KCTD7: variants seen among roughly 807,000 people sequenced by gnomAD.
KCTD7 encodes potassium channel tetramerization domain containing 7.
Under a neutral mutation model 27.0 loss-of-function variants are expected in KCTD7, and 15 were observed. That is an observed-to-expected ratio of 0.56 (90% CI 0.37 to 0.86). The LOEUF is 0.86. Among genes scored for constraint, KCTD7 ranks in the 40% least tolerant of loss-of-function variants. KCTD7 has a pLI of 0.00. For synonymous variants in KCTD7, 159 were observed against 162.7 expected, an observed-to-expected ratio of 0.98 and a Z score of 0.17; for missense variants, 299 against 398.9, an observed-to-expected ratio of 0.75 and a Z score of 2.13.
At chr7:66,631,786 A>C (rs963869347) in intron 1 of KCTD7, among the ~76,000 whole-genome samples, 3 of 151,868 alleles carry the variant, frequency 2.0e-5, no homozygotes, top group African/African-American at 7.3e-5. Flanking sequence ...CATGTTCCTC[A>C]CTCAGCCCTT....
Position 66,639,603 on chromosome 7 carries a change from A to G in KCTD7, c.*371A>G. 1.5e-6 allele frequency: 2 copies of G among 1,348,882 alleles called. No homozygotes were observed. The highest frequency in any genetic ancestry group is 1.9e-6 in the Non-Finnish European group (2 of 1,046,208). 83.6% of individuals were successfully genotyped at this position (1,348,882 alleles called of 1,614,324 possible). ...TAGAGCCACGTTACCAAATCGATGT[A>G]GGCCTAATCACTTCCTCAACCCTGT... is the stretch of plus-strand genomic sequence containing the variant. On this transcript the variant is annotated 3_prime_UTR_variant, in exon 4 of 4. Coordinates refer to ENST00000639828, the MANE Select transcript of KCTD7 (RefSeq NM_153033.5).
chr7:66,629,851 G>C (rs946921725), intron 1 of KCTD7, among the ~76,000 whole-genome samples: 6 of 152,200 alleles, frequency 3.9e-5, no homozygotes, highest in Non-Finnish European at 7.3e-5. Context: ...CATAGATGTA[G>C]GCACGGTCAC....
intron 2 of KCTD7, among the ~76,000 whole-genome samples, chr7:66,637,206 C>T (rs1786608054): frequency 6.6e-6 from 1 of 152,210 alleles, no homozygotes; most frequent in Non-Finnish European, 1.5e-5. Context: ...CTGCCTCAGC[C>T]TCCAGAGTAG....
At chr7:66,632,781 T>C (rs2116762614) in intron 1 of KCTD7, among the ~76,000 whole-genome samples, 1 of 151,766 alleles carries the variant, frequency 6.6e-6, no homozygotes, top group East Asian at 1.9e-4. Context: ...CAGTGGCTCA[T>C]GCCTGTAATC....
At chr7:66,633,067 G>A (rs901956729) in intron 1 of KCTD7, among the ~76,000 whole-genome samples, 3 of 151,652 alleles carry the variant, frequency 2.0e-5, no homozygotes, top group East Asian at 1.9e-4. Flanking sequence ...AAAAAAAAAA[G>A]AGCTATGAGG....
chr7:66,633,722 C>T (rs1203750921), intron 2 of KCTD7, among the ~76,000 whole-genome samples: 1 of 151,820 alleles, frequency 6.6e-6, no homozygotes, highest in Non-Finnish European at 1.5e-5. Context: ...GCGCGGTGCT[C>T]ATGCCTGTAA....
In KCTD7 at chr7:66,628,961, C is replaced by T; in HGVS notation, c.-104C>T. 1.6e-6 allele frequency: 2 copies of T among 1,232,904 alleles called. No homozygotes were observed. The highest frequency in any genetic ancestry group is 3.3e-5 in the East Asian group (1 of 30,278). The allele number at this position is 1,232,904 out of a possible 1,614,324, so 76.4% of individuals were successfully genotyped here. A position where few individuals can be genotyped will look rare whatever the true frequency, so the allele number is the denominator to read the frequency against. ...TGCCTCTCGCCCCCCTCCGGCCAGC[C>T]CGCAGCCGGCCGCGTCATGCCAGGC... On this transcript the variant is annotated 5_prime_UTR_variant, in exon 1 of 4. Transcript: ENST00000639828.
chr7:66,636,665 C>T (rs771288207), intron 2 of KCTD7, among the ~76,000 whole-genome samples: 1 of 151,964 alleles, frequency 6.6e-6, no homozygotes, highest in African/African-American at 2.4e-5. Context: ...CCCAGTTATT[C>T]GGGAGGCTGA....
chr7:66,643,029 T>A lies in KCTD7; in HGVS notation c.*3797T>A, dbSNP rs945723896. 1.3e-5 allele frequency: 13 copies of A among 985,324 alleles called. No individual in the cohort carries two copies. The highest frequency in any genetic ancestry group is 1.6e-5 in the Non-Finnish European group (13 of 829,938). 61.0% of individuals were successfully genotyped at this position (985,324 alleles called of 1,614,324 possible). ...TGAGCCTCAGTACACTCCAAGGGCA[T>A]TAAAGTCAAGAACTAGAACCTGGGT... On this transcript the variant is annotated 3_prime_UTR_variant, in exon 4 of 4. Coordinates refer to ENST00000639828, the MANE Select transcript of KCTD7 (RefSeq NM_153033.5).
chr7:66,638,505 C>T, intron 3 of KCTD7, 74 bp downstream of exon 3: 1 of 1,456,624 alleles, frequency 6.9e-7, no homozygotes, highest in Non-Finnish European at 9.6e-7. Flanking sequence ...TTTAGGTCTC[C>T]ATCAGAACAC....
chr7:66,633,559 G>T (rs2116764330), intron 2 of KCTD7, 115 bp downstream of exon 2: 2 of 980,966 alleles, frequency 2.0e-6, no homozygotes, highest in Non-Finnish European at 3.1e-6. Flanking sequence ...GCATATTGAT[G>T]AAATTTAATA....
rs765235486 is a variant in KCTD7, at chr7:66,638,396, G to C, written c.458G>C (p.Arg153Pro). 6.2e-7 allele frequency: 1 copy of C among 1,614,238 alleles called. No homozygotes were observed. ...CAGCCACTGAAGGGCGAGAAGGTGC[G>C]CCAAGCGTTTCTGGGACTCATGCCC... is the stretch of plus-strand genomic sequence containing the variant. ...NMQPLKGEKV[R>P]QAFLGLMPYY... Residue 153 changes from arginine to proline, a missense_variant, in exon 3 of 4, where the codon CGC becomes CCC. Coordinates refer to ENST00000639828, the MANE Select transcript of KCTD7 (RefSeq NM_153033.5).
chr7:66,638,502 C>T (rs906179618), intron 3 of KCTD7, 71 bp downstream of exon 3: 2 of 1,500,016 alleles, frequency 1.3e-6, no homozygotes, highest in Non-Finnish European at 1.8e-6. Flanking sequence ...GTGTTTAGGT[C>T]TCCATCAGAA....
intron 1 of KCTD7, among the ~76,000 whole-genome samples, 169 bp downstream of exon 1, chr7:66,629,377 T>TACCCACCCGCACCCCC: frequency 2.9e-5 from 1 of 35,072 alleles, no homozygotes; most frequent in Admixed American, 3.3e-4. Context: ...CCTGCACCCC[T>TACCCACCCGCACCCCC]ACCCACCCAC....
Position 66,641,726 on chromosome 7 carries a change from T to C in KCTD7, c.*2494T>C. 7 of 985,414 alleles carry C rather than the reference T, an allele frequency of 7.1e-6. No individual in the cohort carries two copies. The highest frequency in any genetic ancestry group is 8.4e-6 in the Non-Finnish European group (7 of 829,924). The allele number at this position is 985,414 out of a possible 1,614,324, so 61.0% of individuals were successfully genotyped here. Reference sequence around the variant, plus strand: ...TTCTAAATGGAGTGAAGGAATTCAGTGGCCTAGTTTCGCCATTCTCTAATG... The same window carrying C: ...TTCTAAATGGAGTGAAGGAATTCAGCGGCCTAGTTTCGCCATTCTCTAATG... On this transcript the variant is annotated 3_prime_UTR_variant, in exon 4 of 4. Transcript: ENST00000639828.
chr7:66,642,671 C>T lies in KCTD7; in HGVS notation c.*3439C>T. On this transcript the variant is annotated 3_prime_UTR_variant, in exon 4 of 4. Coordinates refer to ENST00000639828, the MANE Select transcript of KCTD7 (RefSeq NM_153033.5). ...TCTTGGGTACTATTTTGCTGGGGCT[C>T]TTGCGTGAAGGTGGTACCTGTCTCA... The T allele has an allele frequency of 1.0e-6, 1 of 985,370 alleles. No individual in the cohort carries two copies. Among genetic ancestry groups the T allele is most frequent in the Non-Finnish European group, 1.2e-6 (1 of 829,934 alleles). 61.0% of individuals were successfully genotyped at this position (985,370 alleles called of 1,614,324 possible). A position where few individuals can be genotyped will look rare whatever the true frequency, so the allele number is the denominator to read the frequency against.
chr7:66,629,543 C>T (rs911513429), intron 1 of KCTD7, among the ~76,000 whole-genome samples: 4 of 151,960 alleles, frequency 2.6e-5, no homozygotes, highest in African/African-American at 9.7e-5. Flanking sequence ...CCTGGAGCCC[C>T]GAGAGCTGAT....
In KCTD7 at chr7:66,639,351, A is replaced by G. The variant is rs976607982; in HGVS notation, c.*119A>G. On this transcript the variant is annotated 3_prime_UTR_variant, in exon 4 of 4. Transcript: ENST00000639828. ...CAGAATCTGCCGAGGTGAGAACAGC[A>G]TCCTGAGGCACAGCTCCCAGGGGAC... 8 of 1,570,906 alleles carry G rather than the reference A, an allele frequency of 5.1e-6. No homozygotes were observed. In the African/African-American group the frequency reaches 1.1e-4, roughly 21 times the overall value.
Position 66,629,051 on chromosome 7 carries a change from C to G in KCTD7, c.-14C>G. On this transcript the variant is annotated 5_prime_UTR_variant, in exon 1 of 4. Transcript: ENST00000639828. ...GCCCGCCCGAAGCCGCGCCCACTGCCCAGAGCCAGAGGGATGGTGGTAGTC... is the reference window on the plus strand; with the variant it reads ...GCCCGCCCGAAGCCGCGCCCACTGCGCAGAGCCAGAGGGATGGTGGTAGTC... 6.6e-7 allele frequency: 1 copy of G among 1,505,370 alleles called. No individual in the cohort carries two copies. Among genetic ancestry groups the G allele is most frequent in the South Asian group, 1.2e-5 (1 of 80,194 alleles). 93.3% of individuals were successfully genotyped at this position (1,505,370 alleles called of 1,614,324 possible).
Sources: gnomAD v4.1 joint callset for allele counts (sites outside exome capture counted in the v4.1 genomes callset) on GRCh38, gnomAD v4.1.1 for gene constraint, MANE v1.5 for transcripts, NCBI Gene and HGNC (gene_info 2026-07-23, HGNC 2026-07-21) for gene names.